TPST2: variants seen among roughly 807,000 people sequenced by gnomAD.
The protein encoded by TPST2 is protein-tyrosine sulfotransferase 2.
In TPST2, 16 loss-of-function variants were observed where a neutral mutation model predicts 27.8. That is an observed-to-expected ratio of 0.58 (90% confidence interval 0.39 to 0.88). The LOEUF (loss-of-function observed/expected upper bound fraction) is 0.88. TPST2 is among the 40% of genes least tolerant of loss of function. TPST2 has a pLI of 0.00. For missense variants in TPST2, 464 were observed against 543.1 expected (o/e 0.85, Z 1.45); for synonymous variants, 229 against 231.7 (o/e 0.99, Z 0.10).
rs149978211 is a variant in TPST2, at chr22:26,582,039, A to G, written c.-161+8014T>C. Among the ~76,000 whole-genome samples, 22 of 152,334 alleles carry G rather than the reference A, an allele frequency of 1.4e-4. No homozygotes were observed. In the East Asian group the frequency reaches 4.2e-3, roughly 29 times the overall value. ...CCAATTTCTGATCCAGACCCTCACTATTCCAAATGTGGTCTTTAGACAAAC... is the reference window on the plus strand; with the variant it reads ...CCAATTTCTGATCCAGACCCTCACTGTTCCAAATGTGGTCTTTAGACAAAC... On this transcript the variant is annotated intron_variant, in intron 1 of 6. Transcript: ENST00000338754.
At chr22:26,531,493 C>G (rs1169610813) in intron 5 of TPST2, among the ~76,000 whole-genome samples, 1 of 152,208 alleles carries the variant, frequency 6.6e-6, no homozygotes, top group African/African-American at 2.4e-5. Context: ...CATACGCACT[C>G]CAGAGGTTTC....
At chr22:26,569,436 T>C (rs1421018804) in intron 1 of TPST2, among the ~76,000 whole-genome samples, 1 of 152,226 alleles carries the variant, frequency 6.6e-6, no homozygotes, top group Non-Finnish European at 1.5e-5. Context: ...CATTGAGCTG[T>C]ATGCGTATGA....
Position 26,577,265 on chromosome 22 carries a change from T to A in TPST2, c.-161+12788A>T, listed in dbSNP as rs1475260422. Among the ~76,000 whole-genome samples the A allele has an allele frequency of 6.0e-4, 77 of 127,558 alleles. 1 individual carries two copies. The highest frequency in any genetic ancestry group is 1.9e-3 in the African/African-American group (65 of 34,864). The allele number at this position is 127,558 out of a possible 152,430, so 83.7% of individuals were successfully genotyped here. A position where few individuals can be genotyped will look rare whatever the true frequency, so the allele number is the denominator to read the frequency against. On this transcript the variant is annotated intron_variant, in intron 1 of 6. Coordinates refer to ENST00000338754, the MANE Select transcript of TPST2 (RefSeq NM_003595.5). ...GGGTGACAGGGCAAAACCCTGTCTT[T>A]AAAAAAAAAAAAAAAAAAAGTGAAC...
At chr22:26,532,061 G>A (rs541394068) in intron 5 of TPST2, among the ~76,000 whole-genome samples, 78 of 152,254 alleles carry the variant, frequency 5.1e-4, no homozygotes, top group African/African-American at 1.9e-3. Flanking sequence ...TTGAGCCCAG[G>A]AGATTGAGGC....
At chr22:26,565,071 G>A (rs1927316912) in intron 1 of TPST2, among the ~76,000 whole-genome samples, 1 of 152,148 alleles carries the variant, frequency 6.6e-6, no homozygotes, top group South Asian at 2.1e-4. Context: ...TGTCACCTGT[G>A]GGCATCTCTG....
intron 1 of TPST2, among the ~76,000 whole-genome samples, chr22:26,568,170 C>A (rs1008871648): frequency 1.1e-4 from 17 of 152,298 alleles, no homozygotes; most frequent in African/African-American, 3.9e-4. Flanking sequence ...TGCCCATTGG[C>A]AATAGAATGG....
intron 1 of TPST2, among the ~76,000 whole-genome samples, chr22:26,586,909 G>A (rs1239795011): frequency 6.6e-6 from 1 of 152,204 alleles, no homozygotes; most frequent in East Asian, 1.9e-4. Context: ...TAGGGGTGGG[G>A]AAGGTGCTGA....
intron 3 of TPST2, among the ~76,000 whole-genome samples, chr22:26,539,311 A>C (rs1394453333): frequency 6.6e-6 from 1 of 152,158 alleles, no homozygotes; most frequent in Non-Finnish European, 1.5e-5. Context: ...GAAAGCGTGG[A>C]AACTGCATAT....
At position 26,541,678 on chromosome 22, in the gene TPST2, G is replaced by T. The variant is rs1352863902; in HGVS notation, c.-48C>A. On this transcript the variant is annotated 5_prime_UTR_variant, in exon 3 of 7. Coordinates refer to ENST00000338754, the MANE Select transcript of TPST2 (RefSeq NM_003595.5). This position sits in a 1 kb window ranked among gnomAD's most constrained non-coding sequence, Gnocchi z 5.9. ...CCTGGCCTGAGGGCCCGCTTCTGGGGCTTCAGCGACAGGTTAGCGGGCAGC... is the reference window on the plus strand; with the variant it reads ...CCTGGCCTGAGGGCCCGCTTCTGGGTCTTCAGCGACAGGTTAGCGGGCAGC... The T allele has an allele frequency of 6.6e-7, 1 of 1,506,642 alleles. No homozygotes were observed. 93.3% of individuals were successfully genotyped at this position (1,506,642 alleles called of 1,614,324 possible).
Position 26,536,334 on chromosome 22 carries a change from G to A in TPST2, c.995C>T (p.Pro332Leu). Residue 332 changes from proline (P) to leucine (L), a missense_variant, in exon 4 of 7, where the codon CCC becomes CTC. Pro to Leu is a moderately conservative substitution (Grantham distance 98). Coordinates refer to ENST00000338754, the MANE Select transcript of TPST2 (RefSeq NM_003595.5). ...QLGYDPYANP[P>L]NYGNPDPFVI... ...GAAGGGGTCAGGGTTGCCATAGTTGGGGGGGTTTGCATAAGGGTCATAGCC... is the reference window on the plus strand; with the variant it reads ...GAAGGGGTCAGGGTTGCCATAGTTGAGGGGGTTTGCATAAGGGTCATAGCC... 1 of 1,614,144 alleles carries A rather than the reference G, an allele frequency of 6.2e-7. No individual in the cohort carries two copies. The highest frequency in any genetic ancestry group is 1.7e-5 in the Admixed American group (1 of 60,024).
chr22:26,545,447 A>C (rs1002754557), intron 1 of TPST2, among the ~76,000 whole-genome samples: 1 of 152,226 alleles, frequency 6.6e-6, no homozygotes, highest in Non-Finnish European at 1.5e-5. Context: ...AGTGGAATCA[A>C]GGGGATCCTT....
intron 1 of TPST2, among the ~76,000 whole-genome samples, chr22:26,581,042 ACACACACACACG>A (rs1239322227): frequency 8.7e-5 from 6 of 69,220 alleles, no homozygotes; most frequent in Non-Finnish European, 1.4e-4. Flanking sequence ...ACACACACAC[ACACACACACACG>A]CACACACACA....
chr22:26,541,702 G>A lies in TPST2; in HGVS notation c.-72C>T. The A allele has an allele frequency of 6.8e-7, 1 of 1,474,906 alleles. No individual in the cohort carries two copies. 91.4% of individuals were successfully genotyped at this position (1,474,906 alleles called of 1,614,324 possible). A position where few individuals can be genotyped will look rare whatever the true frequency, so the allele number is the denominator to read the frequency against. On this transcript the variant is annotated 5_prime_UTR_variant, in exon 3 of 7. Transcript: ENST00000338754. This position sits in a 1 kb window ranked among gnomAD's most constrained non-coding sequence, Gnocchi z 5.9. Reference sequence around the variant, plus strand: ...GGCTTCAGCGACAGGTTAGCGGGCAGCCCGCCAGGCTCACATCTGGGGAGA... The same window carrying A: ...GGCTTCAGCGACAGGTTAGCGGGCAACCCGCCAGGCTCACATCTGGGGAGA...
intron 1 of TPST2, among the ~76,000 whole-genome samples, chr22:26,553,300 T>C (rs756571624): frequency 2.0e-5 from 3 of 151,192 alleles, no homozygotes; most frequent in East Asian, 1.9e-4. Context: ...CACTCATGCA[T>C]AGGGAATCAT....
chr22:26,582,016 A>G (rs1928134647), intron 1 of TPST2, among the ~76,000 whole-genome samples: 1 of 152,324 alleles, frequency 6.6e-6, no homozygotes, highest in African/African-American at 2.4e-5. Context: ...GTAATCTGCC[A>G]ATTTCTGATC....
chr22:26,561,779 A>C (rs2147219932), intron 1 of TPST2, among the ~76,000 whole-genome samples: 1 of 152,272 alleles, frequency 6.6e-6, no homozygotes. Context: ...CACAGGAAGG[A>C]AAATTTAGGC....
At chr22:26,580,599 T>A (rs763775223) in intron 1 of TPST2, among the ~76,000 whole-genome samples, 2 of 152,204 alleles carry the variant, frequency 1.3e-5, no homozygotes, top group Admixed American at 6.5e-5. Flanking sequence ...TTAAAACATA[T>A]TTTCAAGGGA....
At chr22:26,528,682 G>A (rs1206345130) in intron 5 of TPST2, among the ~76,000 whole-genome samples, 2 of 152,154 alleles carry the variant, frequency 1.3e-5, no homozygotes, top group Admixed American at 6.6e-5. Flanking sequence ...TGGAATCTCT[G>A]AAGGAATAAG....
chr22:26,526,864 G>C (rs1924871092), intron 6 of TPST2, among the ~76,000 whole-genome samples: 1 of 152,116 alleles, frequency 6.6e-6, no homozygotes, highest in South Asian at 2.1e-4. Context: ...GATCACTTGA[G>C]GCCAGGAGTT....
Sources: gnomAD v4.1 joint callset for allele counts (sites outside exome capture counted in the v4.1 genomes callset) on GRCh38, gnomAD v4.1.1 for gene constraint, Gnocchi (gnomAD v3.1) non-coding constraint, MANE v1.5 for transcripts, NCBI Gene and HGNC (gene_info 2026-07-23, HGNC 2026-07-21) for gene names.